The following C1orf87 variants were observed in gnomAD, a reference collection of about 807,000 sequenced individuals.
The protein encoded by C1orf87 is uncharacterized protein C1orf87.
Under a neutral mutation model 60.5 loss-of-function variants are expected in C1orf87, and 58 were observed. The observed-to-expected ratio is 0.96, with a 90% CI of 0.78 to 1.19. The LOEUF is 1.19. Among genes scored for constraint, C1orf87 ranks in the 50% most tolerant of loss-of-function variants. The probability of loss-of-function intolerance (pLI) is 0.00; values close to 1 mark genes in which losing one functional copy is unlikely to be tolerated. For synonymous variants in C1orf87, 236 were observed against 227.4 expected, an observed-to-expected ratio of 1.04 and a Z score of -0.34; for missense variants, 673 against 638.6, an observed-to-expected ratio of 1.05 and a Z score of -0.58.
At chr1:60,052,286 T>C (rs1645420053) in intron 3 of C1orf87, among the ~76,000 whole-genome samples, 1 of 152,250 alleles carries the variant, frequency 6.6e-6, no homozygotes, top group Admixed American at 6.5e-5. Flanking sequence ...TTTTTTATTC[T>C]TCTGAGAGAA....
At chr1:60,058,004 C>A (rs570638983) in intron 2 of C1orf87, among the ~76,000 whole-genome samples, 103 of 152,252 alleles carry the variant, frequency 6.8e-4, no homozygotes, top group African/African-American at 2.4e-3. Flanking sequence ...CAGACAAACA[C>A]ACTCAAATGA....
At chr1:60,012,316 G>A (rs1645091967) in intron 8 of C1orf87, among the ~76,000 whole-genome samples, 1 of 152,080 alleles carries the variant, frequency 6.6e-6, no homozygotes, top group Non-Finnish European at 1.5e-5. Context: ...TATGATATGA[G>A]ATAACGCCTC....
At chr1:59,997,863 T>G (rs2100237121) in intron 10 of C1orf87, 47 bp from the exon 11 acceptor site, 4 of 1,570,814 alleles carry the variant, frequency 2.5e-6, no homozygotes, top group Non-Finnish European at 1.7e-6. Context: ...CACCCAGAGC[T>G]TCTCCAATCT....
intron 7 of C1orf87, among the ~76,000 whole-genome samples, chr1:60,026,084 C>T (rs1311324015): frequency 1.3e-5 from 2 of 152,128 alleles, no homozygotes; most frequent in Non-Finnish European, 2.9e-5. Flanking sequence ...ATAATATGTT[C>T]TAAATCTTGT....
chr1:60,048,553 T>C (rs1645389999), intron 3 of C1orf87, among the ~76,000 whole-genome samples: 1 of 152,186 alleles, frequency 6.6e-6, no homozygotes, highest in African/African-American at 2.4e-5. Flanking sequence ...TTTTTGATTT[T>C]TACAAATTGA....
intron 8 of C1orf87, among the ~76,000 whole-genome samples, chr1:60,015,090 C>T (rs1421682512): frequency 6.6e-6 from 1 of 152,164 alleles, no homozygotes; most frequent in Non-Finnish European, 1.5e-5. Flanking sequence ...TTTGCTGGGG[C>T]TGTGTTACGG....
intron 9 of C1orf87, among the ~76,000 whole-genome samples, chr1:60,006,658 G>T (rs1645048294): frequency 2.6e-5 from 4 of 151,952 alleles, no homozygotes; most frequent in African/African-American, 7.2e-5. Context: ...TCAAATTTGA[G>T]ATCATACTTC....
chr1:60,020,011 G>A (rs984720032), intron 8 of C1orf87, among the ~76,000 whole-genome samples: 3 of 152,218 alleles, frequency 2.0e-5, no homozygotes, highest in Admixed American at 1.3e-4. Flanking sequence ...ATTTTCTGGG[G>A]AGAAAGTCAA....
At chr1:60,045,864 A>C (rs1645363477) in intron 3 of C1orf87, among the ~76,000 whole-genome samples, 2 of 152,184 alleles carry the variant, frequency 1.3e-5, no homozygotes, top group Non-Finnish European at 2.9e-5. Flanking sequence ...CTGCCCCAAG[A>C]ATGAGGACTC....
intron 2 of C1orf87, among the ~76,000 whole-genome samples, chr1:60,058,341 G>A (rs1645471462): frequency 6.6e-6 from 1 of 152,114 alleles, no homozygotes; most frequent in Non-Finnish European, 1.5e-5. Context: ...GACTTATGAT[G>A]TATACTTTTA....
At chr1:60,051,564 T>G (rs1447777403) in intron 3 of C1orf87, among the ~76,000 whole-genome samples, 1 of 152,132 alleles carries the variant, frequency 6.6e-6, no homozygotes, top group African/African-American at 2.4e-5. Context: ...CCAATTGAGA[T>G]AAATAAAAGC....
intron 3 of C1orf87, among the ~76,000 whole-genome samples, chr1:60,044,429 T>C (rs1645351424): frequency 6.6e-6 from 1 of 152,266 alleles, no homozygotes; most frequent in South Asian, 2.1e-4. Flanking sequence ...AAATATTTTA[T>C]ACATTCTAAA....
At chr1:60,005,824 T>A (rs1210219566) in intron 9 of C1orf87, among the ~76,000 whole-genome samples, 3 of 143,154 alleles carry the variant, frequency 2.1e-5, no homozygotes, top group Non-Finnish European at 4.6e-5. Context: ...TTTTTTTTCC[T>A]CTGGTGATTC....
chr1:60,034,573 C>T (rs920101347), intron 6 of C1orf87, among the ~76,000 whole-genome samples: 2 of 152,208 alleles, frequency 1.3e-5, no homozygotes, highest in Admixed American at 6.5e-5. Context: ...TGCTGCATTA[C>T]TGATTTCCCT....
chr1:60,053,745 AT>A (rs1346439214), intron 3 of C1orf87, among the ~76,000 whole-genome samples: 5 of 152,136 alleles, frequency 3.3e-5, no homozygotes, highest in Non-Finnish European at 7.4e-5. Flanking sequence ...TTTTTCAAAA[AT>A]TGCTACATCG....
intron 2 of C1orf87, among the ~76,000 whole-genome samples, chr1:60,055,762 A>T (rs888935691): frequency 1.3e-5 from 2 of 152,174 alleles, no homozygotes; most frequent in Non-Finnish European, 2.9e-5. Context: ...TTACTTGTAA[A>T]TGTAACAGGT....
intron 8 of C1orf87, among the ~76,000 whole-genome samples, chr1:60,016,392 A>G (rs1645124792): frequency 6.6e-6 from 1 of 152,154 alleles, no homozygotes; most frequent in Non-Finnish European, 1.5e-5. Context: ...CATGTAATTT[A>G]ACCTTGCTAC....
intron 11 of C1orf87, among the ~76,000 whole-genome samples, chr1:59,992,402 T>C (rs1200497583): frequency 6.6e-6 from 1 of 151,950 alleles, no homozygotes; most frequent in Non-Finnish European, 1.5e-5. Context: ...ATTGCAGGTA[T>C]GTGCCACCAC....
intron 4 of C1orf87, 105 bp from the exon 5 acceptor site, chr1:60,040,285 C>G: frequency 7.0e-7 from 1 of 1,420,304 alleles, no homozygotes; most frequent in Non-Finnish European, 9.4e-7. Context: ...AGTGTCCACT[C>G]GCAGTCCTGG....
Sources: allele counts gnomAD v4.1 joint callset (sites outside exome capture counted in the v4.1 genomes callset), GRCh38; gene constraint gnomAD v4.1.1; transcripts MANE v1.5; gene names NCBI Gene and HGNC (gene_info 2026-07-23, HGNC 2026-07-21).